Variants in ADGRB3 observed in about 807,000 individuals in gnomAD.
ADGRB3 encodes brain-specific angiogenesis inhibitor 3.
ADGRB3 carries 37 observed loss-of-function variants against 193.4 expected under a neutral mutation model. The observed-to-expected ratio is 0.19, with a 90% CI of 0.15 to 0.25. ADGRB3 has a LOEUF of 0.25. Among genes scored for constraint, ADGRB3 ranks in the 10% least tolerant of loss-of-function variants. ADGRB3 has a pLI of 1.00. For missense variants in ADGRB3, 1,637 were observed against 1,852.9 expected (o/e 0.88, Z 2.14); for synonymous variants, 690 against 644.2 (o/e 1.07, Z -1.08).
chr6:69,123,131 G>C (rs1464985363), intron 17 of ADGRB3, among the ~76,000 whole-genome samples: 1 of 151,918 alleles, frequency 6.6e-6, no homozygotes. Flanking sequence ...TAATTGAGGA[G>C]CTATTATGGT....
chr6:69,245,093 G>A (rs1766469655), intron 20 of ADGRB3, among the ~76,000 whole-genome samples: 2 of 152,032 alleles, frequency 1.3e-5, no homozygotes, highest in South Asian at 2.1e-4. Context: ...TAGAACTCTG[G>A]AAGTTATCCT....
intron 3 of ADGRB3, among the ~76,000 whole-genome samples, chr6:68,818,886 C>G (rs1217429299): frequency 2.0e-5 from 3 of 151,972 alleles, no homozygotes; most frequent in Admixed American, 6.6e-5. Flanking sequence ...GAGGAAAGAT[C>G]AATTTCAAAG....
In ADGRB3 at chr6:69,235,131, T is replaced by C; in HGVS notation, c.2707T>C (p.Trp903Arg). ...CCTAGCAGTTGTCTATGCAGCATTA[T>C]GGAGGTAAGTAATCAATTGATAGAC... is the stretch of plus-strand genomic sequence containing the variant. ...ITLAVVYAAL[W>R]RYIRSERSII... Residue 903 changes from tryptophan (W) to arginine (R), a missense_variant, in exon 19 of 32, where the codon TGG (tryptophan) becomes CGG (arginine). Trp to Arg is a moderately radical substitution (Grantham distance 101). Around this residue, in one of 7 missense-constraint regions of ADGRB3, gnomAD observed 641 missense variants for 673.9 expected, o/e 0.95. Transcript: ENST00000370598. The C allele has an allele frequency of 1.3e-6, 2 of 1,594,958 alleles. No individual in the cohort carries two copies. The highest frequency in any genetic ancestry group is 1.7e-4 in the Middle Eastern group (1 of 6,038).
intron 20 of ADGRB3, among the ~76,000 whole-genome samples, chr6:69,268,953 C>G (rs763731354): frequency 1.3e-5 from 2 of 152,124 alleles, no homozygotes; most frequent in African/African-American, 4.8e-5. Context: ...CTTTGGACTA[C>G]TGCTACTGCT....
intron 17 of ADGRB3, among the ~76,000 whole-genome samples, chr6:69,168,346 C>G (rs1008108655): frequency 2.6e-5 from 4 of 152,098 alleles, no homozygotes; most frequent in African/African-American, 7.2e-5. Flanking sequence ...AAGCAGAATT[C>G]TAGCATGGGA....
intron 11 of ADGRB3, among the ~76,000 whole-genome samples, chr6:69,010,469 T>C (rs923690318): frequency 6.6e-6 from 1 of 152,004 alleles, no homozygotes; most frequent in Non-Finnish European, 1.5e-5. Flanking sequence ...TAAAAAAATA[T>C]ATAACATAAA....
chr6:68,790,270 G>T lies in ADGRB3; in HGVS notation c.758-140289G>T, dbSNP rs1398714355. Among the ~76,000 whole-genome samples, 3 of 152,220 alleles carry T rather than the reference G, an allele frequency of 2.0e-5. No individual in the cohort carries two copies. The East Asian group carries it at 5.8e-4, about 29-fold the overall frequency. ...GCAGCAGGGAGGCTGGGGGAGGGGT[G>T]CCCGCCATTGTTGAGTTAGTTGTTT... On this transcript the variant is annotated intron_variant, in intron 3 of 31. Coordinates refer to ENST00000370598, the MANE Select transcript of ADGRB3 (RefSeq NM_001704.3).
At chr6:69,124,650 T>G (rs930151385) in intron 17 of ADGRB3, among the ~76,000 whole-genome samples, 2 of 152,234 alleles carry the variant, frequency 1.3e-5, no homozygotes, top group African/African-American at 4.8e-5. Context: ...TCTTTTGAAT[T>G]TCTAAAAAGT....
At chr6:69,233,242 A>C in intron 17 of ADGRB3, 48 bp from the exon 18 acceptor site, 1 of 1,602,982 alleles carries the variant, frequency 6.2e-7, no homozygotes, top group Non-Finnish European at 8.5e-7. Context: ...GGATTTGGCT[A>C]TCAGGCGTAT....
At chr6:68,684,135 A>G (rs146071314) in intron 3 of ADGRB3, among the ~76,000 whole-genome samples, 198 of 152,236 alleles carry the variant, frequency 1.3e-3, no homozygotes, top group African/African-American at 4.2e-3. Context: ...TTAGTTTTCA[A>G]TCTTTCTCTT....
intron 13 of ADGRB3, 129 bp downstream of exon 13, chr6:69,018,628 A>C (rs1428708374): frequency 3.2e-5 from 19 of 600,482 alleles, no homozygotes; most frequent in Non-Finnish European, 5.5e-5. Flanking sequence ...ATATATTTCT[A>C]ATACTTGGTA....
chr6:69,151,367 G>C (rs555832034), intron 17 of ADGRB3, among the ~76,000 whole-genome samples: 1 of 152,232 alleles, frequency 6.6e-6, no homozygotes, highest in East Asian at 1.9e-4. Context: ...GCCTGGTGTT[G>C]CTTCCCACTA....
rs112210771 is a variant in ADGRB3, at chr6:68,939,227, G to A, written c.1030+2547G>A. On this transcript the variant is annotated intron_variant, in intron 5 of 31. Transcript: ENST00000370598. ...AAAGATTTTTAAATTAAAGTTTTTC[G>A]TCCCCATTTATGCCTGAGGTAGCAA... 6.0e-3 allele frequency among the ~76,000 whole-genome samples: 916 copies of A among 152,094 alleles called. 4 individuals are homozygous for A. The highest frequency in any genetic ancestry group is 0.031 in the Middle Eastern group (9 of 294).
chr6:68,888,562 C>CACAA (rs1765978271), intron 3 of ADGRB3, among the ~76,000 whole-genome samples: 1 of 151,340 alleles, frequency 6.6e-6, no homozygotes, highest in African/African-American at 2.4e-5. Flanking sequence ...CACACACACA[C>CACAA]ACACACACAC....
intron 17 of ADGRB3, among the ~76,000 whole-genome samples, chr6:69,204,749 C>T (rs1166548613): frequency 1.3e-5 from 2 of 151,958 alleles, no homozygotes; most frequent in Non-Finnish European, 2.9e-5. Flanking sequence ...TTGTTGGGTT[C>T]TTTTTTTCTT....
intron 24 of ADGRB3, among the ~76,000 whole-genome samples, chr6:69,338,047 C>G (rs1188179413): frequency 1.3e-5 from 2 of 152,156 alleles, no homozygotes; most frequent in East Asian, 3.9e-4. Flanking sequence ...TCTAATAAAT[C>G]TGTAATTTTC....
intron 3 of ADGRB3, among the ~76,000 whole-genome samples, chr6:68,695,143 A>G (rs1055001941): frequency 1.3e-5 from 2 of 152,060 alleles, no homozygotes; most frequent in African/African-American, 4.8e-5. Context: ...AAATGGCTAC[A>G]TGTGGCTAGT....
intron 3 of ADGRB3, among the ~76,000 whole-genome samples, chr6:68,811,495 G>C (rs541800112): frequency 9.2e-5 from 14 of 152,268 alleles, no homozygotes; most frequent in African/African-American, 3.4e-4. Context: ...TTGAGACAGA[G>C]TCTCACTCTG....
chr6:68,702,919 A>T (rs1477902104), intron 3 of ADGRB3, among the ~76,000 whole-genome samples: 1 of 152,200 alleles, frequency 6.6e-6, no homozygotes, highest in Admixed American at 6.6e-5. Flanking sequence ...CTTGTACAGA[A>T]TTCATGTGAC....
Sources: gnomAD v4.1 joint callset for allele counts (sites outside exome capture counted in the v4.1 genomes callset) on GRCh38, gnomAD v4.1.1 for gene constraint, gnomAD v4.1.1 regional missense constraint, MANE v1.5 for transcripts, NCBI Gene and HGNC (gene_info 2026-07-23, HGNC 2026-07-21) for gene names.